The following FAM107B variants were observed in gnomAD, a reference collection of about 807,000 sequenced individuals.
The protein encoded by FAM107B is protein FAM107B.
Under a neutral mutation model 31.5 loss-of-function variants are expected in FAM107B, and 21 were observed. The ratio of observed to expected loss-of-function variants is 0.67; its 90% CI spans 0.47 to 0.96. The LOEUF (loss-of-function observed/expected upper bound fraction) is 0.96. Ranked by LOEUF, FAM107B falls within the 40% of genes least tolerant of loss-of-function variation. FAM107B has a pLI of 0.00. For missense variants in FAM107B, 452 were observed against 377.1 expected, an observed-to-expected ratio of 1.20 and a Z score of -1.64; for synonymous variants, 157 against 141.5, an observed-to-expected ratio of 1.11 and a Z score of -0.78.
In FAM107B at chr10:14,519,841, C is replaced by G. The variant is rs1355404056; in HGVS notation, c.*1349G>C. ...TCTACGGAGCATACTAAATCCTCAA[C>G]AATTCTTCGGTATCACCCAGGCAAA... is the stretch of plus-strand genomic sequence containing the variant. On this transcript the variant is annotated 3_prime_UTR_variant, in exon 5 of 5. Transcript: ENST00000181796. 6.6e-6 allele frequency: 1 copy of G among 152,470 alleles called. No homozygotes were observed. Among genetic ancestry groups the G allele is most frequent in the Non-Finnish European group, 1.5e-5 (1 of 68,040 alleles). 9.4% of individuals were successfully genotyped at this position (152,470 alleles called of 1,614,324 possible). A position where few individuals can be genotyped will look rare whatever the true frequency, so the allele number is the denominator to read the frequency against.
rs180707428 is a variant in FAM107B, at chr10:14,518,943, G to T, written c.*2247C>A. On this transcript the variant is annotated 3_prime_UTR_variant, in exon 5 of 5. Transcript: ENST00000181796. ...GAGTTTGGGCTGCACAGTATTAAGG[G>T]GTGAGAGGAGACCGACAGCCTGTTT... The T allele has an allele frequency of 6.5e-6, 1 of 152,736 alleles. No individual in the cohort carries two copies. Among genetic ancestry groups the T allele is most frequent in the African/African-American group, 2.4e-5 (1 of 41,566 alleles). The allele number at this position is 152,736 out of a possible 1,614,324, so 9.5% of individuals were successfully genotyped here.
rs767068539 is a variant in FAM107B at position 14,774,328 on chromosome 10, C to T, written c.336G>A (p.Leu112=). Residue 112 remains leucine (L), a synonymous_variant, in exon 1 of 5, where the codon CTG becomes CTA. Transcript: ENST00000181796. ...CTGCTTCACAGTCCGCCCCATCATC[C>T]AGGGACCCGGGCACATCTTCAGGCG... ...AETPEDVPGS[L]DDGADCEAVV... The T allele has an allele frequency of 3.5e-5, 56 of 1,614,108 alleles. No homozygotes were observed. The highest frequency in any genetic ancestry group is 4.7e-5 in the Non-Finnish European group (55 of 1,180,052).
chr10:14,558,241 T>TCACATACGTGCACGCGCACAGTCA (rs1397813418), intron 2 of FAM107B, among the ~76,000 whole-genome samples: 1 of 151,692 alleles, frequency 6.6e-6, no homozygotes, highest in Non-Finnish European at 1.5e-5. Context: ...ATGCGCACAC[T>TCACATACGTGCACGCGCACAGTCA]CACATACGTG....
At chr10:14,576,369 A>G (rs557077610) in intron 2 of FAM107B, among the ~76,000 whole-genome samples, 1 of 152,268 alleles carries the variant, frequency 6.6e-6, no homozygotes, top group East Asian at 1.9e-4. Flanking sequence ...TCTACTGAAA[A>G]TTCAAAAATT....
chr10:14,574,214 G>C (rs549575151), intron 2 of FAM107B, among the ~76,000 whole-genome samples: 6 of 152,276 alleles, frequency 3.9e-5, no homozygotes, highest in Non-Finnish European at 8.8e-5. Context: ...CAGGCATCCT[G>C]ACACAGTTAT....
intron 2 of FAM107B, among the ~76,000 whole-genome samples, chr10:14,629,471 A>AC (rs1853289400): frequency 5.8e-5 from 5 of 86,698 alleles, no homozygotes; most frequent in Non-Finnish European, 8.3e-5. Context: ...ATATATATTT[A>AC]ATATATATAT....
At chr10:14,669,925 A>T (rs1482461421) in intron 1 of FAM107B, among the ~76,000 whole-genome samples, 3 of 152,204 alleles carry the variant, frequency 2.0e-5, no homozygotes, top group Non-Finnish European at 4.4e-5. Flanking sequence ...TAGAAGAGAG[A>T]ACTTGAAATG....
intron 1 of FAM107B, among the ~76,000 whole-genome samples, chr10:14,699,285 A>G (rs933178497): frequency 6.6e-6 from 1 of 152,192 alleles, no homozygotes; most frequent in East Asian, 1.9e-4. Flanking sequence ...GATGTGGAGA[A>G]GGAGATTTCT....
chr10:14,673,462 G>A (rs1014913957), intron 1 of FAM107B, among the ~76,000 whole-genome samples: 3 of 152,096 alleles, frequency 2.0e-5, no homozygotes. Flanking sequence ...GCGAATGAAG[G>A]ATTTTATTCT....
chr10:14,764,967 G>A (rs1263731601), intron 1 of FAM107B, among the ~76,000 whole-genome samples: 5 of 152,158 alleles, frequency 3.3e-5, no homozygotes, highest in Non-Finnish European at 7.4e-5. Flanking sequence ...GATGAAGGAC[G>A]TCAACCCTGA....
chr10:14,640,821 C>A (rs907395103), intron 2 of FAM107B, among the ~76,000 whole-genome samples: 1 of 152,138 alleles, frequency 6.6e-6, no homozygotes, highest in African/African-American at 2.4e-5. Flanking sequence ...CCAGAAGAGA[C>A]AAAACACTCC....
intron 1 of FAM107B, among the ~76,000 whole-genome samples, chr10:14,668,052 G>T (rs1346255024): frequency 6.6e-6 from 1 of 150,868 alleles, no homozygotes; most frequent in African/African-American, 2.5e-5. Context: ...TTTGTTTTTT[G>T]GGTTTTTTTT....
At chr10:14,578,678 G>A (rs906364525) in intron 2 of FAM107B, among the ~76,000 whole-genome samples, 15 of 152,022 alleles carry the variant, frequency 9.9e-5, no homozygotes, top group African/African-American at 2.9e-4. Flanking sequence ...CTGCACCCTC[G>A]GTCACAAGAA....
At chr10:14,711,386 A>AT (rs1855643593) in intron 1 of FAM107B, among the ~76,000 whole-genome samples, 1 of 152,154 alleles carries the variant, frequency 6.6e-6, no homozygotes. Flanking sequence ...CAGGTGTATC[A>AT]TTTTTTATTT....
intron 2 of FAM107B, chr10:14,572,220 G>T: frequency 8.1e-6 from 8 of 985,488 alleles, no homozygotes; most frequent in Non-Finnish European, 9.6e-6. Flanking sequence ...TCTGGTACCA[G>T]TTACTGACCT....
Position 14,774,424 on chromosome 10 carries a change from G to A in FAM107B, c.240C>T (p.Ser80=). Residue 80 remains serine, a synonymous_variant, in exon 1 of 5, where the codon AGC becomes AGT. Coordinates refer to ENST00000181796, the MANE Select transcript of FAM107B (RefSeq NM_031453.4). The part of the protein sequence containing the change: ...EGAPEKRQDS[S]THAERNGSAN... ...CACTGCCATTTCTCTCTGCATGGGT[G>A]CTCGAATCTTGCCTTTTCTCTGGAG... 1 of 1,614,218 alleles carries A rather than the reference G, an allele frequency of 6.2e-7. No homozygotes were observed. The highest frequency in any genetic ancestry group is 8.5e-7 in the Non-Finnish European group (1 of 1,180,038).
intron 1 of FAM107B, among the ~76,000 whole-genome samples, chr10:14,729,831 AT>A (rs1856123291): frequency 6.6e-6 from 1 of 152,250 alleles, no homozygotes; most frequent in South Asian, 2.1e-4. Flanking sequence ...AATGTGGCAC[AT>A]ATACACCATG....
chr10:14,617,182 G>A (rs1301803909), intron 2 of FAM107B, among the ~76,000 whole-genome samples: 2 of 152,062 alleles, frequency 1.3e-5, no homozygotes, highest in East Asian at 3.9e-4. Context: ...TTTTTTTGAA[G>A]ATCATGCCCC....
chr10:14,665,961 C>T (rs1854394304), intron 2 of FAM107B, among the ~76,000 whole-genome samples: 1 of 152,112 alleles, frequency 6.6e-6, no homozygotes, highest in African/African-American at 2.4e-5. Context: ...TATGTCAAAC[C>T]TACCCCACCT....
Sources: allele counts gnomAD v4.1 joint callset (sites outside exome capture counted in the v4.1 genomes callset), GRCh38; gene constraint gnomAD v4.1.1; transcripts MANE v1.5; gene names NCBI Gene and HGNC (gene_info 2026-07-23, HGNC 2026-07-21).